The following DNAI7 variants were observed in gnomAD, a reference collection of about 807,000 sequenced individuals.
DNAI7 encodes the protein cancer susceptibility 1.
A neutral mutation model predicts 86.6 loss-of-function variants in DNAI7; 78 were observed. That is an observed-to-expected ratio of 0.90 (90% confidence interval 0.75 to 1.09). The LOEUF is 1.09. DNAI7 is among the 50% of genes least tolerant of loss of function. DNAI7 has a pLI of 0.00. For synonymous variants in DNAI7, 274 were observed against 273.0 expected, an observed-to-expected ratio of 1.00 and a Z score of -0.04; for missense variants, 753 against 810.2, an observed-to-expected ratio of 0.93 and a Z score of 0.86.
At chr12:25,133,314 A>G (rs1490184780) in intron 9 of DNAI7, among the ~76,000 whole-genome samples, 1 of 152,122 alleles carries the variant, frequency 6.6e-6, no homozygotes, top group Non-Finnish European at 1.5e-5. Context: ...TCTATCCATC[A>G]TCTCTCATTC....
chr12:25,190,539 A>G, intron 2 of DNAI7, 75 bp downstream of exon 2: 1 of 607,918 alleles, frequency 1.6e-6, no homozygotes, highest in South Asian at 3.6e-5. Flanking sequence ...AAAATATTTT[A>G]TAATTCTGTA....
rs757792040 is a variant in DNAI7 at position 25,154,311 on chromosome 12, A to T, written c.438+8T>A. 1.3e-6 allele frequency: 2 copies of T among 1,584,234 alleles called. No homozygotes were observed. The highest frequency in any genetic ancestry group is 4.1e-5 in the Admixed American group (2 of 48,870). ...AGCCAGTTTATAGGAAAATGCATAAATACCTACATTTAGCACTACTTTACT... is the reference window on the plus strand; with the variant it reads ...AGCCAGTTTATAGGAAAATGCATAATTACCTACATTTAGCACTACTTTACT... On this transcript the variant is annotated splice_region_variant and intron_variant, in intron 6 of 15. Transcript: ENST00000395987.
In DNAI7 at chr12:25,161,551, G is replaced by A. The variant is rs186776023; in HGVS notation, c.22-354C>T. Among the ~76,000 whole-genome samples the A allele has an allele frequency of 2.6e-5, 4 of 152,288 alleles. No homozygotes were observed. In the East Asian group the frequency reaches 7.7e-4, roughly 29 times the overall value. ...AGTAAAACATATGTAAAAGCAGTTT[G>A]AAAACTACACTTATAAAATTGAAAA... On this transcript the variant is annotated intron_variant, in intron 2 of 15. Transcript: ENST00000395987.
chr12:25,123,807 G>T (rs918827731), intron 9 of DNAI7, among the ~76,000 whole-genome samples: 1 of 152,112 alleles, frequency 6.6e-6, no homozygotes, highest in African/African-American at 2.4e-5. Flanking sequence ...CTGACCTTGA[G>T]CAAGTCATTT....
At chr12:25,118,561 C>T (rs772425015) in intron 12 of DNAI7, among the ~76,000 whole-genome samples, 8 of 151,570 alleles carry the variant, frequency 5.3e-5, no homozygotes, top group Non-Finnish European at 7.4e-5. Context: ...CCACGCCTGG[C>T]CTGTTTGTTT....
intron 9 of DNAI7, 73 bp downstream of exon 9, chr12:25,144,292 G>A (rs1168660682): frequency 7.8e-7 from 1 of 1,285,030 alleles, no homozygotes; most frequent in Non-Finnish European, 1.1e-6. Flanking sequence ...GAAAAATCTT[G>A]AGAACACTTT....
chr12:25,150,240 G>A (rs1355051469), intron 6 of DNAI7, among the ~76,000 whole-genome samples: 1 of 152,138 alleles, frequency 6.6e-6, no homozygotes, highest in Non-Finnish European at 1.5e-5. Flanking sequence ...TCTGATTGGG[G>A]AAAATGTACT....
chr12:25,137,779 A>G (rs548338880), intron 9 of DNAI7, among the ~76,000 whole-genome samples: 4 of 152,236 alleles, frequency 2.6e-5, no homozygotes, highest in Non-Finnish European at 5.9e-5. Context: ...AAACAACAGT[A>G]GTTTAAAAAG....
chr12:25,117,938 C>CTTTCTTT lies in DNAI7; in HGVS notation c.1396+1206_1396+1207insAAAGAAA, dbSNP rs1555154890. On this transcript the variant is annotated intron_variant, in intron 12 of 15. Transcript: ENST00000395987. ...TAAACTATTTTGATATTTTCTTTTT[C>CTTTCTTT]TTTTTTTTTTTTTTTTTGAGACGGA... Among the ~76,000 whole-genome samples the CTTTCTTT allele has an allele frequency of 1.8e-3, 246 of 134,980 alleles. 6 individuals carry two copies. The highest frequency in any genetic ancestry group is 2.3e-3 in the South Asian group (10 of 4,380). The allele number at this position is 134,980 out of a possible 152,430, so 88.6% of individuals were successfully genotyped here.
At chr12:25,115,606 T>A (rs1462266525) in intron 12 of DNAI7, among the ~76,000 whole-genome samples, 1 of 152,044 alleles carries the variant, frequency 6.6e-6, no homozygotes, top group African/African-American at 2.4e-5. Context: ...ATTAGGGAAA[T>A]AAATTAAAAC....
intron 2 of DNAI7, among the ~76,000 whole-genome samples, chr12:25,173,937 C>CATATATATGGAATATATATATT: frequency 7.1e-6 from 1 of 141,602 alleles, no homozygotes. Context: ...CATATATAAT[C>CATATATATGGAATATATATATT]ATATATATGG....
chr12:25,167,156 C>T (rs1947577240), intron 2 of DNAI7, among the ~76,000 whole-genome samples: 1 of 152,212 alleles, frequency 6.6e-6, no homozygotes, highest in Non-Finnish European at 1.5e-5. Flanking sequence ...TCGCCACACA[C>T]CACCAAAGGC....
chr12:25,133,815 C>T (rs1180577288), intron 9 of DNAI7, among the ~76,000 whole-genome samples: 2 of 152,176 alleles, frequency 1.3e-5, no homozygotes, highest in Non-Finnish European at 2.9e-5. Context: ...CTGTCCCTTT[C>T]TAAATCCCAT....
intron 5 of DNAI7, 72 bp downstream of exon 5, chr12:25,155,239 G>A (rs1484090309): frequency 5.9e-6 from 4 of 677,822 alleles, no homozygotes; most frequent in Non-Finnish European, 9.9e-6. Flanking sequence ...TCTTTTCTTG[G>A]CATCAAAATT....
chr12:25,186,503 A>G (rs983273342), intron 2 of DNAI7, among the ~76,000 whole-genome samples: 18 of 152,202 alleles, frequency 1.2e-4, no homozygotes, highest in African/African-American at 4.3e-4. Flanking sequence ...AACAAAAATG[A>G]TCACCACTTC....
chr12:25,127,161 C>T (rs1250590635), intron 9 of DNAI7, among the ~76,000 whole-genome samples: 2 of 152,184 alleles, frequency 1.3e-5, no homozygotes, highest in Non-Finnish European at 2.9e-5. Flanking sequence ...CTAGCACAAG[C>T]TCCTTAATTT....
chr12:25,173,902 C>T (rs1592625498), intron 2 of DNAI7, among the ~76,000 whole-genome samples: 1 of 40,342 alleles, frequency 2.5e-5, no homozygotes, highest in Admixed American at 2.2e-4. Flanking sequence ...ATATATACCA[C>T]ATCATATATA....
At chr12:25,191,895 T>C (rs2141405855) in intron 1 of DNAI7, among the ~76,000 whole-genome samples, 1 of 152,344 alleles carries the variant, frequency 6.6e-6, no homozygotes, top group Non-Finnish European at 1.5e-5. Flanking sequence ...ATCAGATTTC[T>C]GGTAAGGAAT....
Position 25,121,911 on chromosome 12 carries a change from G to A in DNAI7, c.1081C>T (p.Gln361Ter). 1.3e-6 allele frequency: 2 copies of A among 1,571,846 alleles called. No homozygotes were observed. Among genetic ancestry groups the A allele is most frequent in the South Asian group, 2.4e-5 (2 of 84,054 alleles). Residue 361 changes from glutamine to a stop codon, truncating the protein, a stop_gained and splice_region_variant, in exon 11 of 16, where the codon CAG becomes TAG. Coordinates refer to ENST00000395987, the MANE Select transcript of DNAI7 (RefSeq NM_018272.5). LOFTEE classifies it high-confidence loss of function. ...KVLSETVSAA[Q>*]LLLVENSSEK... ...GAAGAATTCTCTACCAGCAACAACTGTGCTAAAATTAATCAGATTAACAGT... is the reference window on the plus strand; with the variant it reads ...GAAGAATTCTCTACCAGCAACAACTATGCTAAAATTAATCAGATTAACAGT...
Sources: gnomAD v4.1 joint callset for allele counts (sites outside exome capture counted in the v4.1 genomes callset) on GRCh38, gnomAD v4.1.1 for gene constraint, MANE v1.5 for transcripts, NCBI Gene and HGNC (gene_info 2026-07-23, HGNC 2026-07-21) for gene names.